RBM17: variants seen among roughly 807,000 people sequenced by gnomAD.
The protein encoded by RBM17 is splicing factor 45.
In RBM17, 7 loss-of-function variants were observed where a neutral mutation model predicts 53.2. The ratio of observed to expected loss-of-function variants is 0.13; its 90% CI spans 0.07 to 0.25. The LOEUF (loss-of-function observed/expected upper bound fraction) is 0.25, where lower values mean the gene tolerates loss of function less well. Ranked by LOEUF, RBM17 falls within the 10% of genes least tolerant of loss-of-function variation. The pLI is 1.00. For synonymous variants in RBM17, 167 were observed against 178.1 expected (o/e 0.94, Z 0.50); for missense variants, 257 against 496.7 (o/e 0.52, Z 4.59).
At chr10:6,094,714 T>C (rs1443042107) in intron 1 of RBM17, among the ~76,000 whole-genome samples, 2 of 152,328 alleles carry the variant, frequency 1.3e-5, no homozygotes, top group Non-Finnish European at 2.9e-5. Flanking sequence ...TTTAAGGGTA[T>C]GTATCTAGAT....
chr10:6,100,987 T>C (rs1474679523), intron 2 of RBM17, among the ~76,000 whole-genome samples: 2 of 152,198 alleles, frequency 1.3e-5, no homozygotes, highest in Non-Finnish European at 2.9e-5. Flanking sequence ...GGATTCTATA[T>C]CCTAGTAGGA....
chr10:6,098,563 G>GTTTTTC (rs1840616033), intron 2 of RBM17, among the ~76,000 whole-genome samples: 1 of 46,642 alleles, frequency 2.1e-5, no homozygotes, highest in African/African-American at 8.0e-5. Context: ...CAGGTTTTTT[G>GTTTTTC]TTTTTTTTTT....
intron 5 of RBM17, 190 bp downstream of exon 5, chr10:6,106,428 T>C: frequency 2.0e-6 from 1 of 503,074 alleles, no homozygotes; most frequent in Non-Finnish European, 3.6e-6. Flanking sequence ...TGTATTTTCC[T>C]TTGAGCTTCA....
intron 5 of RBM17, 38 bp from the exon 6 acceptor site, chr10:6,108,648 G>T: frequency 6.3e-7 from 1 of 1,580,888 alleles, no homozygotes; most frequent in South Asian, 1.1e-5. Flanking sequence ...GTCTGGCATC[G>T]GAAACCTCCT....
chr10:6,111,085 T>C (rs1458575884), intron 7 of RBM17, among the ~76,000 whole-genome samples: 1 of 152,226 alleles, frequency 6.6e-6, no homozygotes, highest in Non-Finnish European at 1.5e-5. Flanking sequence ...CAGTTTCTGG[T>C]CTTTTTAGCC....
rs762690261 is a variant in RBM17, at chr10:6,101,395, C to T, written c.240+8C>T. 9 of 1,575,862 alleles carry T rather than the reference C, an allele frequency of 5.7e-6. No homozygotes were observed. The East Asian group carries it at 6.7e-5, about 12-fold the overall frequency. On this transcript the variant is annotated splice_region_variant and intron_variant, in intron 3 of 11. Transcript: ENST00000379888. ...GTAGCAGCTGGGCTGAAGGTAAGCC[C>T]GCGCCTGCCTGTGAGCTTGATACGT...
Position 6,097,213 on chromosome 10 carries a change from A to G in RBM17, c.123+25A>G, listed in dbSNP as rs773283303. ...GGTAAAGACAAGCCCAGAGCATGAG[A>G]GCAGAGGCCTCCAGAGTGGGTTCCT... On this transcript the variant is annotated intron_variant, in intron 2 of 11. Coordinates refer to ENST00000379888, the MANE Select transcript of RBM17 (RefSeq NM_032905.5). 22 of 1,609,556 alleles carry G rather than the reference A, an allele frequency of 1.4e-5. No homozygotes were observed. In the East Asian group the frequency reaches 4.5e-4, roughly 33 times the overall value.
At position 6,089,514 on chromosome 10, in the gene RBM17, C is replaced by G. The variant is rs1840447467; in HGVS notation, c.-19+321C>G. ...GCTGAAGAGCGTTTCTTCTCCGTCT[C>G]GTGCACCGCATCCTGACGAAATTGT... On this transcript the variant is annotated intron_variant, in intron 1 of 11. Coordinates refer to ENST00000379888, the MANE Select transcript of RBM17 (RefSeq NM_032905.5). This position sits in a 1 kb window ranked among gnomAD's most constrained non-coding sequence, Gnocchi z 5.6. 2.0e-5 allele frequency: 3 copies of G among 153,074 alleles called. No individual in the cohort carries two copies. The South Asian group carries it at 6.2e-4, about 32-fold the overall frequency. The allele number at this position is 153,074 out of a possible 1,614,324, so 9.5% of individuals were successfully genotyped here.
chr10:6,109,250 G>T (rs1237164532), intron 6 of RBM17, among the ~76,000 whole-genome samples: 2 of 152,156 alleles, frequency 1.3e-5, no homozygotes, highest in South Asian at 2.1e-4. Flanking sequence ...TGGGGGTTGG[G>T]ACTGGACTTC....
At chr10:6,113,946 G>T in intron 9 of RBM17, 103 bp from the exon 10 acceptor site, 1 of 734,112 alleles carries the variant, frequency 1.4e-6, no homozygotes, top group Non-Finnish European at 2.3e-6. Flanking sequence ...TATGTCGTTT[G>T]GGATTGAGAA....
chr10:6,097,270 T>C (rs1840590403), intron 2 of RBM17, 82 bp downstream of exon 2: 1 of 1,412,404 alleles, frequency 7.1e-7, no homozygotes, highest in Non-Finnish European at 9.9e-7. Flanking sequence ...GGTTTCAGCT[T>C]GCTCTTCTGC....
At chr10:6,093,628 T>C (rs1372835959) in intron 1 of RBM17, among the ~76,000 whole-genome samples, 1 of 152,254 alleles carries the variant, frequency 6.6e-6, no homozygotes, top group Non-Finnish European at 1.5e-5. Flanking sequence ...GGGCATTTGG[T>C]TAACCCATTT....
Position 6,101,636 on chromosome 10 carries a change from A to G in RBM17, c.240+249A>G, listed in dbSNP as rs11256748. Among the ~76,000 whole-genome samples, 79 of 152,368 alleles carry G rather than the reference A, an allele frequency of 5.2e-4. No homozygotes were observed. In the East Asian group the frequency reaches 0.011, roughly 22 times the overall value. On this transcript the variant is annotated intron_variant, in intron 3 of 11. Coordinates refer to ENST00000379888, the MANE Select transcript of RBM17 (RefSeq NM_032905.5). ...AGAAAAACAAATTACCTTCAGTCAT[A>G]CAATCCGGAAGTGAAAAACGTAATA...
At position 6,112,825 on chromosome 10, in the gene RBM17, C is replaced by A; in HGVS notation, c.856+464C>A. On this transcript the variant is annotated intron_variant, in intron 8 of 11. Transcript: ENST00000379888. The surrounding 1 kb of genome is among the most constrained non-coding windows in gnomAD (Gnocchi z 4.4). ...ATTCTCTTACAGATTGTTTGCTTTG[C>A]GAGATCTGATGTTATGTTGCAGTCT... 1 of 192,940 alleles carries A rather than the reference C, an allele frequency of 5.2e-6. No individual in the cohort carries two copies. The highest frequency in any genetic ancestry group is 1.1e-5 in the Non-Finnish European group (1 of 91,584). The allele number at this position is 192,940 out of a possible 1,614,324, so 12.0% of individuals were successfully genotyped here.
At chr10:6,090,559 C>T (rs745407542) in intron 1 of RBM17, among the ~76,000 whole-genome samples, 1 of 152,170 alleles carries the variant, frequency 6.6e-6, no homozygotes, top group Non-Finnish European at 1.5e-5. Flanking sequence ...CTTCCAAATG[C>T]AGCTTTATTT....
chr10:6,115,861 A>C lies in RBM17; in HGVS notation c.*305A>C. On this transcript the variant is annotated 3_prime_UTR_variant, in exon 12 of 12. Transcript: ENST00000379888. ...TTCTCAAGTGCTTCAATGATGCAGC[A>C]TTTCTTGCACTAAAAAAAAAAAAAA... 1 of 162,472 alleles carries C rather than the reference A, an allele frequency of 6.2e-6. No homozygotes were observed. The highest frequency in any genetic ancestry group is 1.3e-4 in the East Asian group (1 of 7,796). The allele number at this position is 162,472 out of a possible 1,614,324, so 10.1% of individuals were successfully genotyped here. A position where few individuals can be genotyped will look rare whatever the true frequency, so the allele number is the denominator to read the frequency against.
chr10:6,098,372 T>C (rs1160532286), intron 2 of RBM17, among the ~76,000 whole-genome samples: 10 of 152,032 alleles, frequency 6.6e-5, no homozygotes, highest in Non-Finnish European at 1.3e-4. Context: ...TACTGAAATA[T>C]TTACCGATAA....
intron 5 of RBM17, among the ~76,000 whole-genome samples, chr10:6,107,774 G>T (rs573446559): frequency 1.3e-5 from 2 of 152,190 alleles, no homozygotes; most frequent in African/African-American, 4.8e-5. Flanking sequence ...GAACCACTGC[G>T]TCCAGCCAGA....
intron 5 of RBM17, among the ~76,000 whole-genome samples, chr10:6,106,881 T>C (rs1484090107): frequency 2.6e-5 from 4 of 152,224 alleles, no homozygotes; most frequent in Admixed American, 2.0e-4. Context: ...CCATCATATG[T>C]ATAGTTGTTG....
Sources: allele counts gnomAD v4.1 joint callset (sites outside exome capture counted in the v4.1 genomes callset), GRCh38; gene constraint gnomAD v4.1.1; non-coding constraint Gnocchi (gnomAD v3.1); transcripts MANE v1.5; gene names NCBI Gene and HGNC (gene_info 2026-07-23, HGNC 2026-07-21).